VPS13B: variants seen among roughly 807,000 people sequenced by gnomAD.
VPS13B encodes vacuolar protein sorting 13 homolog B.
Under a neutral mutation model 426.4 loss-of-function variants are expected in VPS13B, and 285 were observed. That is an observed-to-expected ratio of 0.67 (90% confidence interval 0.61 to 0.74). The LOEUF (loss-of-function observed/expected upper bound fraction) is 0.74. VPS13B is among the 30% of genes least tolerant of loss of function. The pLI, the probability that VPS13B is intolerant of heterozygous loss-of-function variation, is 0.00. For missense variants in VPS13B, 4,537 were observed against 4,782.6 expected, an observed-to-expected ratio of 0.95 and a Z score of 1.51; for synonymous variants, 1,676 against 1,676.4, an observed-to-expected ratio of 1.00 and a Z score of 0.01.
Position 99,131,978 on chromosome 8 carries a change from C to A in VPS13B, c.1207-2654C>A, listed in dbSNP as rs577174156. On this transcript the variant is annotated intron_variant, in intron 8 of 61. Transcript: ENST00000357162. Reference sequence around the variant, plus strand: ...GTGGTATGATTTTGGCTCACTGCAACCTCCGCCTCCCAGGTTCAAGCAATT... The same window carrying A: ...GTGGTATGATTTTGGCTCACTGCAAACTCCGCCTCCCAGGTTCAAGCAATT... Among the ~76,000 whole-genome samples, 32 of 152,228 alleles carry A rather than the reference C, an allele frequency of 2.1e-4. No individual in the cohort carries two copies. In the East Asian group the frequency reaches 6.0e-3, roughly 28 times the overall value.
chr8:99,167,802 T>A (rs1342109571), intron 15 of VPS13B, among the ~76,000 whole-genome samples: 1 of 152,150 alleles, frequency 6.6e-6, no homozygotes, highest in Non-Finnish European at 1.5e-5. Context: ...CTTTACAGTT[T>A]CCTTTAGCTA....
rs537308563 is a variant in VPS13B, at chr8:99,501,527, A to G, written c.3871-160A>G. Reference sequence around the variant, plus strand: ...TCATTTGAGAAGTGTATGTTTATACATTAGCATTATGTATTGGTATTAACA... The same window carrying G: ...TCATTTGAGAAGTGTATGTTTATACGTTAGCATTATGTATTGGTATTAACA... On this transcript the variant is annotated intron_variant, in intron 25 of 61. Transcript: ENST00000357162. Among the ~76,000 whole-genome samples the G allele has an allele frequency of 4.6e-5, 7 of 152,354 alleles. No homozygotes were observed. In the South Asian group the frequency reaches 8.3e-4, roughly 18 times the overall value.
intron 35 of VPS13B, among the ~76,000 whole-genome samples, chr8:99,669,952 T>C (rs553218631): frequency 5.8e-4 from 88 of 152,244 alleles, no homozygotes; most frequent in African/African-American, 2.1e-3. Flanking sequence ...CTTTCTGATT[T>C]GAATGAATAT....
At chr8:99,627,749 T>C in intron 33 of VPS13B, among the ~76,000 whole-genome samples, 1 of 152,216 alleles carries the variant, frequency 6.6e-6, no homozygotes, top group East Asian at 1.9e-4. Context: ...TATATAGTTA[T>C]GATTTGTCAA....
chr8:99,124,253 G>A (rs1325866269), intron 8 of VPS13B, among the ~76,000 whole-genome samples: 1 of 152,206 alleles, frequency 6.6e-6, no homozygotes, highest in Non-Finnish European at 1.5e-5. Context: ...ATTTTGAGCA[G>A]AGCAGTGATA....
chr8:99,040,170 C>T (rs1842912803), intron 3 of VPS13B, among the ~76,000 whole-genome samples: 1 of 151,900 alleles, frequency 6.6e-6, no homozygotes, highest in Admixed American at 6.6e-5. Flanking sequence ...CCTTAAGAAA[C>T]ATGTTTTAAC....
At chr8:99,260,496 T>C (rs1817986381) in intron 17 of VPS13B, among the ~76,000 whole-genome samples, 1 of 152,090 alleles carries the variant, frequency 6.6e-6, no homozygotes, top group South Asian at 2.1e-4. Context: ...AACATATATG[T>C]TAATAATTCA....
At chr8:99,147,535 T>G (rs1182309326) in intron 13 of VPS13B, among the ~76,000 whole-genome samples, 1 of 152,208 alleles carries the variant, frequency 6.6e-6, no homozygotes, top group African/African-American at 2.4e-5. Context: ...TGTCTTGCCT[T>G]TACATTATCT....
intron 19 of VPS13B, among the ~76,000 whole-genome samples, chr8:99,291,549 T>C (rs1366497929): frequency 6.6e-6 from 1 of 152,138 alleles, no homozygotes; most frequent in Non-Finnish European, 1.5e-5. Flanking sequence ...TATAGAAAGT[T>C]ACTCAGTACA....
intron 56 of VPS13B, among the ~76,000 whole-genome samples, chr8:99,854,532 C>T (rs1265534478): frequency 1.3e-5 from 2 of 152,130 alleles, no homozygotes; most frequent in African/African-American, 4.8e-5. Context: ...ACGTGAGGTA[C>T]CCAGCATTTT....
At chr8:99,832,341 A>ATTTTTTTTTTCTT (rs1815112642) in intron 51 of VPS13B, 28 bp from the exon 52 acceptor site, 1 of 936,946 alleles carries the variant, frequency 1.1e-6, no homozygotes, top group Non-Finnish European at 1.4e-6. Context: ...TGCTCTCTGC[A>ATTTTTTTTTTCTT]TTTTTTTTTT....
At chr8:99,017,432 C>A (rs945108976) in intron 2 of VPS13B, among the ~76,000 whole-genome samples, 1 of 151,928 alleles carries the variant, frequency 6.6e-6, no homozygotes, top group African/African-American at 2.4e-5. Flanking sequence ...CAACTTTGTT[C>A]TTTTCTCCTT....
intron 2 of VPS13B, among the ~76,000 whole-genome samples, chr8:99,029,141 G>A (rs1842355637): frequency 6.7e-6 from 1 of 148,542 alleles, no homozygotes; most frequent in African/African-American, 2.5e-5. Context: ...TCCCAGACAG[G>A]GCGGCGGGGC....
intron 33 of VPS13B, among the ~76,000 whole-genome samples, chr8:99,604,456 T>C (rs1460779095): frequency 6.6e-6 from 1 of 151,798 alleles, no homozygotes; most frequent in Non-Finnish European, 1.5e-5. Context: ...TCTCCATAGG[T>C]TCCTCTAGAA....
chr8:99,040,485 CT>C (rs1842922667), intron 3 of VPS13B, among the ~76,000 whole-genome samples: 2 of 152,124 alleles, frequency 1.3e-5, no homozygotes, highest in African/African-American at 4.8e-5. Flanking sequence ...GTGTACACCT[CT>C]GGAGAGTAAT....
chr8:99,030,839 A>T (rs1842476375), intron 2 of VPS13B, among the ~76,000 whole-genome samples: 1 of 152,170 alleles, frequency 6.6e-6, no homozygotes, highest in South Asian at 2.1e-4. Flanking sequence ...ATATTTATTA[A>T]TCTTAATTTT....
At position 99,233,292 on chromosome 8, in the gene VPS13B, G is replaced by A; in HGVS notation, c.2515+40235G>A. ...CTTTGCCAATCACCCGGCCAGCTGT[G>A]GAAGAGAGCACTCTGATATGGGCTT... On this transcript the variant is annotated intron_variant, in intron 17 of 61. Transcript: ENST00000357162. The A allele has an allele frequency of 3.5e-6, 4 of 1,132,088 alleles. No individual in the cohort carries two copies. The South Asian group carries it at 4.9e-5, about 14-fold the overall frequency. The allele number at this position is 1,132,088 out of a possible 1,614,324, so 70.1% of individuals were successfully genotyped here. A position where few individuals can be genotyped will look rare whatever the true frequency, so the allele number is the denominator to read the frequency against.
chr8:99,274,327 C>A lies in VPS13B; in HGVS notation c.2645C>A (p.Ala882Asp). The A allele has an allele frequency of 6.2e-7, 1 of 1,613,982 alleles. No individual in the cohort carries two copies. Among genetic ancestry groups the A allele is most frequent in the South Asian group, 1.1e-5 (1 of 91,078 alleles). The change falls in exon 18 of 62, where the codon GCC becomes GAC. Residue 882 changes from alanine to aspartate, a missense_variant. Ala to Asp is a moderately radical substitution (Grantham distance 126, BLOSUM62 -2). Transcript: ENST00000357162. Reference protein sequence around the residue: ...TMGSIKICAKAPVDSGKEKLI... With the variant: ...TMGSIKICAKDPVDSGKEKLI... ...GGATCAATAAAAATTTGTGCCAAAG[C>A]CCCAGGTATGTGCAGCTGGACCGTG...
chr8:99,156,929 G>A (rs1013742793), intron 15 of VPS13B, among the ~76,000 whole-genome samples, 186 bp downstream of exon 15: 20 of 152,070 alleles, frequency 1.3e-4, no homozygotes, highest in Admixed American at 1.3e-3. Context: ...TTATTTTAAA[G>A]ATTTTTCAAT....
Sources: allele counts gnomAD v4.1 joint callset (sites outside exome capture counted in the v4.1 genomes callset), GRCh38; gene constraint gnomAD v4.1.1; transcripts MANE v1.5; gene names NCBI Gene and HGNC (gene_info 2026-07-23, HGNC 2026-07-21).